The following SHANK2 variants were observed in gnomAD, a reference collection of about 807,000 sequenced individuals.
SHANK2 encodes the protein SH3 and multiple ankyrin repeat domains 2.
SHANK2 carries 43 observed loss-of-function variants against 133.7 expected under a neutral mutation model. That is an observed-to-expected ratio of 0.32 (90% CI 0.25 to 0.41). The LOEUF (loss-of-function observed/expected upper bound fraction) is 0.41. SHANK2 is among the 10% of genes least tolerant of loss of function. The pLI is 1.00. For synonymous variants in SHANK2, 1,017 were observed against 952.8 expected (o/e 1.07, Z -1.24); for missense variants, 1,994 against 2,235.8 (o/e 0.89, Z 2.18).
At chr11:70,620,157 G>A (rs2060809487) in intron 17 of SHANK2, among the ~76,000 whole-genome samples, 1 of 152,084 alleles carries the variant, frequency 6.6e-6, no homozygotes, top group South Asian at 2.1e-4. Context: ...CACCATCCTG[G>A]TGGGGGTTAG....
intron 17 of SHANK2, among the ~76,000 whole-genome samples, chr11:70,607,743 G>A (rs1314201444): frequency 1.3e-5 from 2 of 152,214 alleles, no homozygotes; most frequent in Non-Finnish European, 2.9e-5. Flanking sequence ...AGCAGGCAGT[G>A]GCCAGCTCTG....
rs117495607 is a variant in SHANK2 at position 70,680,374 on chromosome 11, C to T, written c.1853+18314G>A. Among the ~76,000 whole-genome samples, 1,035 of 152,222 alleles carry T rather than the reference C, an allele frequency of 6.8e-3. 3 individuals are homozygous for T. The highest frequency in any genetic ancestry group is 0.017 in the Middle Eastern group (5 of 294). ...GGGCTAAGACTGAGGTGTTGGAGGG[C>T]GGGCTCCCCACCCAGGCTCCAGAGG... is the stretch of plus-strand genomic sequence containing the variant. On this transcript the variant is annotated intron_variant, in intron 15 of 25. Coordinates refer to ENST00000601538, the MANE Select transcript of SHANK2 (RefSeq NM_012309.5).
At chr11:71,237,618 A>G (rs1954840305) in intron 1 of SHANK2, among the ~76,000 whole-genome samples, 1 of 152,232 alleles carries the variant, frequency 6.6e-6, no homozygotes, top group Non-Finnish European at 1.5e-5. Flanking sequence ...TCACTTGCCC[A>G]GATCACATCG....
intron 11 of SHANK2, among the ~76,000 whole-genome samples, chr11:70,867,601 C>G (rs998005856): frequency 2.6e-5 from 4 of 152,216 alleles, no homozygotes; most frequent in Non-Finnish European, 5.9e-5. Context: ...GGGGTCAGCT[C>G]AGCCATGTTC....
At chr11:70,663,672 C>T (rs471931) in intron 15 of SHANK2, among the ~76,000 whole-genome samples, 64,017 of 151,968 alleles carry the variant, frequency 0.42, 14,821 homozygotes, top group Non-Finnish European at 0.54. Context: ...CCTGACCTTC[C>T]TTACCTTGCC....
intron 2 of SHANK2, among the ~76,000 whole-genome samples, chr11:71,208,281 G>A (rs1954171495): frequency 6.6e-6 from 1 of 152,082 alleles, no homozygotes; most frequent in Admixed American, 6.5e-5. Flanking sequence ...GTCCTGGGAA[G>A]GAGGGCAGCC....
chr11:70,761,824 C>A (rs1947003484), intron 14 of SHANK2, among the ~76,000 whole-genome samples: 1 of 152,218 alleles, frequency 6.6e-6, no homozygotes, highest in African/African-American at 2.4e-5. Flanking sequence ...TGTGCAGATA[C>A]CCCCAAACCT....
intron 17 of SHANK2, chr11:70,633,687 C>A (rs1015861198): frequency 6.6e-6 from 1 of 152,222 alleles, no homozygotes; most frequent in South Asian, 2.1e-4. Flanking sequence ...GCAGGGCCCA[C>A]CCCAGAGAGA....
intron 5 of SHANK2, among the ~76,000 whole-genome samples, chr11:71,111,677 C>T (rs556066546): frequency 6.6e-6 from 1 of 152,342 alleles, no homozygotes; most frequent in South Asian, 2.1e-4. Flanking sequence ...CTGGCACGTG[C>T]TAGATTTCCA....
chr11:70,954,694 G>A (rs1950892198), intron 10 of SHANK2, among the ~76,000 whole-genome samples: 2 of 152,226 alleles, frequency 1.3e-5, no homozygotes, highest in South Asian at 2.1e-4. Context: ...CATTGCCAAC[G>A]GCATTCCTGG....
intron 2 of SHANK2, among the ~76,000 whole-genome samples, chr11:71,174,054 G>A (rs1404160987): frequency 1.3e-5 from 2 of 152,156 alleles, no homozygotes; most frequent in Non-Finnish European, 2.9e-5. Context: ...CCAATACATC[G>A]AGGCTTCACA....
chr11:70,617,343 T>C (rs1554996354), intron 17 of SHANK2, among the ~76,000 whole-genome samples: 1 of 152,110 alleles, frequency 6.6e-6, no homozygotes, highest in Non-Finnish European at 1.5e-5. Context: ...TGCATGTACA[T>C]GCATGTTAAA....
At chr11:70,931,838 A>AGAG (rs1555082545) in intron 10 of SHANK2, among the ~76,000 whole-genome samples, 8 of 152,218 alleles carry the variant, frequency 5.3e-5, no homozygotes, top group African/African-American at 1.9e-4. Flanking sequence ...CCTCTCAACG[A>AGAG]CGCTTATTAT....
chr11:70,908,245 G>A (rs1462385570), intron 10 of SHANK2, among the ~76,000 whole-genome samples: 4 of 152,210 alleles, frequency 2.6e-5, no homozygotes, highest in Admixed American at 6.5e-5. Flanking sequence ...ACTCCCTCAC[G>A]TGACTGCGTT....
chr11:71,149,596 C>T (rs1952723746), intron 2 of SHANK2, among the ~76,000 whole-genome samples: 1 of 151,448 alleles, frequency 6.6e-6, no homozygotes, highest in Admixed American at 6.6e-5. Context: ...ATTTCAGGGC[C>T]CCAGGTAGAG....
At chr11:70,712,350 A>G (rs1433532806) in intron 14 of SHANK2, among the ~76,000 whole-genome samples, 3 of 152,142 alleles carry the variant, frequency 2.0e-5, no homozygotes, top group African/African-American at 7.2e-5. Flanking sequence ...CCACGTGACC[A>G]TGAGGCTGAT....
intron 1 of SHANK2, among the ~76,000 whole-genome samples, chr11:71,234,377 A>ATAAATAAG (rs1228052078): frequency 1.3e-5 from 2 of 150,286 alleles, no homozygotes; most frequent in African/African-American, 4.9e-5. Context: ...AAATAAATAA[A>ATAAATAAG]TAAATAAATA....
rs1347212429 is a variant in SHANK2, at chr11:71,152,788, G to A, written c.-12-5450C>T. 2.0e-5 allele frequency among the ~76,000 whole-genome samples: 3 copies of A among 152,300 alleles called. No homozygotes were observed. In the South Asian group the frequency reaches 6.2e-4, roughly 32 times the overall value. ...ACTATCCTGGGAGCTCATGGCCAGA[G>A]ATCTGACTGGGAGGGTCTTGACCTT... On this transcript the variant is annotated intron_variant, in intron 2 of 25. Coordinates refer to ENST00000601538, the MANE Select transcript of SHANK2 (RefSeq NM_012309.5).
At position 70,569,731 on chromosome 11, in the gene SHANK2, T is replaced by C. The variant is rs146753640; in HGVS notation, c.2062-66800A>G. Among the ~76,000 whole-genome samples, 52 of 151,340 alleles carry C rather than the reference T, an allele frequency of 3.4e-4. No homozygotes were observed. The highest frequency in any genetic ancestry group is 5.9e-4 in the Admixed American group (9 of 15,216). Reference sequence around the variant, plus strand: ...CAGGCCAATCAGAATCCTGCCTGGGTTTTTCCTCTACATCTACTGGGGAAG... The same window carrying C: ...CAGGCCAATCAGAATCCTGCCTGGGCTTTTCCTCTACATCTACTGGGGAAG... On this transcript the variant is annotated intron_variant, in intron 17 of 25. Coordinates refer to ENST00000601538, the MANE Select transcript of SHANK2 (RefSeq NM_012309.5). The surrounding 1 kb of genome is among the most constrained non-coding windows in gnomAD (Gnocchi z 5.1).
Sources: allele counts gnomAD v4.1 joint callset (sites outside exome capture counted in the v4.1 genomes callset), GRCh38; gene constraint gnomAD v4.1.1; non-coding constraint Gnocchi (gnomAD v3.1); transcripts MANE v1.5; gene names NCBI Gene and HGNC (gene_info 2026-07-23, HGNC 2026-07-21).